Variants in CUX1 observed in about 807,000 individuals in gnomAD.
CUX1 encodes protein CASP.
In CUX1, 31 loss-of-function variants were observed where a neutral mutation model predicts 158.8. The ratio of observed to expected loss-of-function variants is 0.20; its 90% CI spans 0.15 to 0.26. CUX1 has a LOEUF of 0.26. CUX1 is among the 10% of genes least tolerant of loss of function. The probability of loss-of-function intolerance (pLI) is 1.00; values close to 1 mark genes in which losing one functional copy is unlikely to be tolerated. For synonymous variants in CUX1, 879 were observed against 862.1 expected (o/e 1.02, Z -0.34); for missense variants, 1,589 against 2,014.6 (o/e 0.79, Z 4.04).
intron 4 of CUX1, among the ~76,000 whole-genome samples, chr7:102,072,126 G>A (rs1585532640): frequency 6.6e-6 from 1 of 152,332 alleles, no homozygotes; most frequent in East Asian, 1.9e-4. Flanking sequence ...CACAAAGCAA[G>A]GAAAGAATGA....
chr7:101,817,522 G>A, upstream of CUX1: 1 of 1,195,340 alleles, frequency 8.4e-7, no homozygotes, highest in African/African-American at 1.6e-5. The surrounding 1 kb of genome is among the most constrained non-coding windows in gnomAD (Gnocchi z 4.1). Flanking sequence ...CGTGCCCAAG[G>A]GGCGAGTGCC....
At chr7:102,152,062 T>C (rs1328957389) in intron 8 of CUX1, among the ~76,000 whole-genome samples, 2 of 151,866 alleles carry the variant, frequency 1.3e-5, no homozygotes, top group African/African-American at 4.8e-5. Flanking sequence ...AAGAAAAAAC[T>C]AGCTAGGTGT....
chr7:102,243,504 A>G (rs1800441347), intron 23 of CUX1, among the ~76,000 whole-genome samples: 1 of 151,854 alleles, frequency 6.6e-6, no homozygotes, highest in South Asian at 2.1e-4. Flanking sequence ...AAACAGGTGG[A>G]AGGAGAAACG....
chr7:102,209,324 C>T (rs1439271106), intron 20 of CUX1, among the ~76,000 whole-genome samples: 2 of 152,110 alleles, frequency 1.3e-5, no homozygotes, highest in African/African-American at 2.4e-5. Context: ...TCTAAGAATC[C>T]GAGCATGGGG....
At chr7:102,012,708 G>T (rs907294638) in intron 2 of CUX1, among the ~76,000 whole-genome samples, 2 of 147,906 alleles carry the variant, frequency 1.4e-5, no homozygotes, top group African/African-American at 5.0e-5. Context: ...GTGGGGGCGG[G>T]GGGAGGGGGT....
At chr7:101,953,015 G>T (rs550624435) in intron 2 of CUX1, among the ~76,000 whole-genome samples, 14 of 152,180 alleles carry the variant, frequency 9.2e-5, no homozygotes. Flanking sequence ...GGACCCCTTC[G>T]GAGCATCTCA....
chr7:101,859,779 T>A (rs1797237105), intron 1 of CUX1, among the ~76,000 whole-genome samples: 1 of 152,138 alleles, frequency 6.6e-6, no homozygotes, highest in Admixed American at 6.6e-5. Context: ...ATCTTTAAGA[T>A]CCTAGCAGAA....
chr7:101,879,667 G>A (rs993518234), intron 1 of CUX1, among the ~76,000 whole-genome samples: 3 of 152,154 alleles, frequency 2.0e-5, no homozygotes, highest in African/African-American at 4.8e-5. Flanking sequence ...GCCCAGTTGA[G>A]GGTGGTCAGT....
chr7:102,127,633 C>T (rs1375157176), intron 8 of CUX1, among the ~76,000 whole-genome samples: 1 of 151,144 alleles, frequency 6.6e-6, no homozygotes, highest in Non-Finnish European at 1.5e-5. Flanking sequence ...ATTAAATATT[C>T]TTCAGAAACA....
chr7:102,260,690 C>T (rs1734731), downstream of CUX1, among the ~76,000 whole-genome samples: 2 of 148,798 alleles, frequency 1.3e-5, no homozygotes, highest in South Asian at 2.2e-4. Flanking sequence ...TCCCAAAGTG[C>T]TGGGATTACA....
At chr7:102,040,517 C>G (rs867402366) in intron 3 of CUX1, among the ~76,000 whole-genome samples, 1 of 152,122 alleles carries the variant, frequency 6.6e-6, no homozygotes, top group African/African-American at 2.4e-5. Flanking sequence ...CTTTCAAAGA[C>G]GTACAGTAGA....
chr7:102,084,857 G>GCTTTTTTTTTTTTTTTTTTT (rs1827799354), intron 4 of CUX1, among the ~76,000 whole-genome samples: 1 of 71,686 alleles, frequency 1.4e-5, no homozygotes, highest in Non-Finnish European at 2.8e-5. Context: ...TATTTTCCTT[G>GCTTTTTTTTTTTTTTTTTTT]CTTTTTTTTT....
chr7:102,191,998 C>T (rs1009695061), intron 12 of CUX1, among the ~76,000 whole-genome samples: 3 of 152,178 alleles, frequency 2.0e-5, no homozygotes, highest in Non-Finnish European at 4.4e-5. Flanking sequence ...CTTTCTGTTG[C>T]GTCCGCACAT....
At chr7:102,200,672 C>T (rs1381832860) in intron 17 of CUX1, among the ~76,000 whole-genome samples, 1 of 151,644 alleles carries the variant, frequency 6.6e-6, no homozygotes, top group Non-Finnish European at 1.5e-5. Flanking sequence ...AAATTACGCT[C>T]CTTAACTTTG....
At position 101,817,664 on chromosome 7, in the gene CUX1, T is replaced by G; in HGVS notation, c.25T>G (p.Leu9Val). 1 of 1,552,016 alleles carries G rather than the reference T, an allele frequency of 6.4e-7. No homozygotes were observed. The highest frequency in any genetic ancestry group is 8.7e-7 in the Non-Finnish European group (1 of 1,147,678). ...GATGTTGTGCGTAGCCGGAGCCAGG[T>G]TGAAGGTGAGCGGCGTGTGGGCCAG... MLCVAGARLKRELDATATV... is the reference protein window; with the variant it reads MLCVAGARVKRELDATATV... Residue 9 changes from leucine to valine, a missense_variant, in exon 1 of 24, where the codon TTG becomes GTG. By Grantham distance (32) the Leu-to-Val change is conservative. Around this residue, in one of 8 missense-constraint regions of CUX1, gnomAD observed 63 missense variants for 109.2 expected, o/e 0.58. Coordinates refer to ENST00000292535, the MANE Select transcript of CUX1 (RefSeq NM_181552.4). The surrounding 1 kb of genome is among the most constrained non-coding windows in gnomAD (Gnocchi z 4.1).
chr7:101,830,485 G>C (rs186968726), intron 1 of CUX1, among the ~76,000 whole-genome samples: 92 of 152,240 alleles, frequency 6.0e-4, no homozygotes, highest in Non-Finnish European at 1.1e-3. Flanking sequence ...TTTGAGACAG[G>C]GTCTTGATCT....
Position 102,128,039 on chromosome 7 carries a change from G to C in CUX1, c.674+12766G>C, listed in dbSNP as rs149104012. 9.2e-5 allele frequency among the ~76,000 whole-genome samples: 14 copies of C among 152,070 alleles called. No homozygotes were observed. The East Asian group carries it at 1.9e-3, about 21-fold the overall frequency. ...ATTTTTGTATTTTTAGTAGAGACAG[G>C]GTTTCGCCAGTTGGCCAAGCTGGTC... On this transcript the variant is annotated intron_variant, in intron 8 of 23. Coordinates refer to ENST00000292535, the MANE Select transcript of CUX1 (RefSeq NM_181552.4).
rs1277710472 is a variant in CUX1 at position 102,233,438 on chromosome 7, C to T, written c.3434-614C>T. 6.6e-5 allele frequency among the ~76,000 whole-genome samples: 10 copies of T among 152,216 alleles called. No individual in the cohort carries two copies. The East Asian group carries it at 9.7e-4, about 15-fold the overall frequency. On this transcript the variant is annotated intron_variant, in intron 21 of 23. Transcript: ENST00000292535. ...AACCCCTGGGCTCAAATGATCTTCC[C>T]GCTTCAGCCTCCCAAAGGGCCCTTC... is the stretch of plus-strand genomic sequence containing the variant.
chr7:102,065,252 T>A (rs1825414362), intron 3 of CUX1, among the ~76,000 whole-genome samples: 1 of 152,176 alleles, frequency 6.6e-6, no homozygotes, highest in Non-Finnish European at 1.5e-5. Flanking sequence ...GTCTAATTTG[T>A]ATTTTTTTGT....
Sources: gnomAD v4.1 joint callset for allele counts (sites outside exome capture counted in the v4.1 genomes callset) on GRCh38, gnomAD v4.1.1 for gene constraint, gnomAD v4.1.1 regional missense constraint, Gnocchi (gnomAD v3.1) non-coding constraint, MANE v1.5 for transcripts, NCBI Gene and HGNC (gene_info 2026-07-23, HGNC 2026-07-21) for gene names.